Variants in NRG3 observed in about 807,000 individuals in gnomAD.
NRG3 encodes the protein neuregulin 3.
In NRG3, 31 loss-of-function variants were observed where a neutral mutation model predicts 66.9. The observed-to-expected ratio is 0.46, with a 90% CI of 0.35 to 0.63. The LOEUF (loss-of-function observed/expected upper bound fraction) is 0.63. NRG3 is among the 20% of genes least tolerant of loss of function. NRG3 has a pLI of 0.00. For missense variants in NRG3, 910 were observed against 878.9 expected (o/e 1.04, Z -0.45); for synonymous variants, 393 against 359.4 (o/e 1.09, Z -1.06).
chr10:82,247,509 C>G (rs2077296524), intron 1 of NRG3, among the ~76,000 whole-genome samples: 1 of 152,084 alleles, frequency 6.6e-6, no homozygotes, highest in South Asian at 2.1e-4. Flanking sequence ...TTATGCCATC[C>G]TTTTGGGGGT....
intron 2 of NRG3, among the ~76,000 whole-genome samples, chr10:82,625,517 G>A (rs867379823): frequency 6.6e-6 from 1 of 152,144 alleles, no homozygotes; most frequent in Non-Finnish European, 1.5e-5. Context: ...TGAGAATCAG[G>A]TATGAAGCAA....
At chr10:82,805,583 T>A (rs342367) in intron 3 of NRG3, among the ~76,000 whole-genome samples, 97,470 of 151,870 alleles carry the variant, frequency 0.64, 31,759 homozygotes, top group African/African-American at 0.74. Flanking sequence ...TTGCCAGATC[T>A]TGAGGCCCTG....
At chr10:82,072,302 C>A (rs1473468648) in intron 1 of NRG3, among the ~76,000 whole-genome samples, 1 of 152,180 alleles carries the variant, frequency 6.6e-6, no homozygotes, top group East Asian at 1.9e-4. Context: ...CCGGAAGAAG[C>A]GTGTTGCCTT....
intron 1 of NRG3, among the ~76,000 whole-genome samples, chr10:82,255,580 C>CT (rs201030016): frequency 2.6e-4 from 39 of 149,458 alleles, no homozygotes; most frequent in East Asian, 7.8e-4. Flanking sequence ...TTCTGTAAAT[C>CT]TTTTTTTTTT....
intron 2 of NRG3, among the ~76,000 whole-genome samples, chr10:82,425,154 A>G (rs1272957392): frequency 6.6e-6 from 1 of 152,092 alleles, no homozygotes; most frequent in African/African-American, 2.4e-5. Flanking sequence ...CGAACTTAGG[A>G]TTAACTTTTC....
intron 1 of NRG3, among the ~76,000 whole-genome samples, chr10:82,077,810 A>C (rs2065171175): frequency 1.3e-5 from 2 of 152,230 alleles, no homozygotes; most frequent in Admixed American, 1.3e-4. Flanking sequence ...ATTTAGAATG[A>C]AATTATATCA....
intron 1 of NRG3, among the ~76,000 whole-genome samples, chr10:82,122,804 C>G (rs991721237): frequency 2.6e-5 from 4 of 152,206 alleles, no homozygotes; most frequent in East Asian, 1.9e-4. Flanking sequence ...TCTTTCAACT[C>G]TCTTATTAAT....
chr10:82,539,106 A>G (rs948050450), intron 2 of NRG3, among the ~76,000 whole-genome samples: 1 of 152,234 alleles, frequency 6.6e-6, no homozygotes, highest in Non-Finnish European at 1.5e-5. Context: ...AATTGAAACT[A>G]TAGTGATACA....
intron 2 of NRG3, among the ~76,000 whole-genome samples, chr10:82,549,773 C>T (rs1031473912): frequency 1.1e-4 from 17 of 152,126 alleles, no homozygotes; most frequent in Non-Finnish European, 1.6e-4. Flanking sequence ...ATATTTATAA[C>T]ATCAGTGGAG....
intron 1 of NRG3, among the ~76,000 whole-genome samples, chr10:82,241,602 G>A (rs1435904741): frequency 2.6e-5 from 4 of 152,136 alleles, no homozygotes; most frequent in African/African-American, 7.2e-5. Context: ...GGCAAAAGGT[G>A]TAAGTCCGTA....
At chr10:82,869,846 G>A (rs1233916346) in intron 4 of NRG3, among the ~76,000 whole-genome samples, 1 of 151,866 alleles carries the variant, frequency 6.6e-6, no homozygotes, top group Non-Finnish European at 1.5e-5. Flanking sequence ...CTGACCTTGT[G>A]ATCTGCCCGC....
At chr10:81,908,977 A>G (rs1564648835) in intron 1 of NRG3, among the ~76,000 whole-genome samples, 2 of 152,158 alleles carry the variant, frequency 1.3e-5, no homozygotes, top group African/African-American at 4.8e-5. Context: ...ACAATAAAGT[A>G]GCACAAACCA....
intron 2 of NRG3, among the ~76,000 whole-genome samples, chr10:82,553,284 T>C (rs913144031): frequency 6.6e-6 from 1 of 152,038 alleles, no homozygotes; most frequent in African/African-American, 2.4e-5. Context: ...ATTTTTTTTT[T>C]CTAAAGACAA....
intron 2 of NRG3, among the ~76,000 whole-genome samples, chr10:82,383,990 A>G (rs1366362668): frequency 3.9e-5 from 6 of 152,016 alleles, no homozygotes; most frequent in Non-Finnish European, 8.8e-5. Flanking sequence ...TATTTTAAAA[A>G]CAATTTTACT....
intron 1 of NRG3, among the ~76,000 whole-genome samples, chr10:82,201,554 T>C (rs1169435814): frequency 1.3e-5 from 2 of 152,156 alleles, no homozygotes; most frequent in Non-Finnish European, 2.9e-5. Flanking sequence ...GTGACCATTT[T>C]GGTGAGAGGC....
rs182957543 is a variant in NRG3 at position 82,063,966 on chromosome 10, A to C, written c.823+187803A>C. Reference sequence around the variant, plus strand: ...GGTTTACTGCCCTGATGAATGACTGATCTGTATTTCTGAAAGGAATCTTCT... The same window carrying C: ...GGTTTACTGCCCTGATGAATGACTGCTCTGTATTTCTGAAAGGAATCTTCT... On this transcript the variant is annotated intron_variant, in intron 1 of 8. Coordinates refer to ENST00000372141, the MANE Select transcript of NRG3 (RefSeq NM_001010848.4). 1.7e-3 allele frequency among the ~76,000 whole-genome samples: 259 copies of C among 152,286 alleles called. No homozygotes were observed. In the Middle Eastern group the frequency reaches 0.024, roughly 14 times the overall value.
At chr10:82,828,853 T>G (rs1239657082) in intron 3 of NRG3, among the ~76,000 whole-genome samples, 1 of 152,166 alleles carries the variant, frequency 6.6e-6, no homozygotes, top group African/African-American at 2.4e-5. Flanking sequence ...CCTTAGATGA[T>G]AGTCCTGAAG....
intron 2 of NRG3, among the ~76,000 whole-genome samples, chr10:82,461,567 T>A (rs2091516928): frequency 6.6e-6 from 1 of 152,256 alleles, no homozygotes; most frequent in Non-Finnish European, 1.5e-5. Context: ...ATTTATCCAT[T>A]TGAAATTGCT....
At chr10:81,899,458 A>G (rs1157379271) in intron 1 of NRG3, among the ~76,000 whole-genome samples, 1 of 152,212 alleles carries the variant, frequency 6.6e-6, no homozygotes, top group East Asian at 1.9e-4. Flanking sequence ...ATTGGGTGAA[A>G]CATCCATCAT....
Sources: gnomAD v4.1 joint callset for allele counts (sites outside exome capture counted in the v4.1 genomes callset) on GRCh38, gnomAD v4.1.1 for gene constraint, MANE v1.5 for transcripts, NCBI Gene and HGNC (gene_info 2026-07-23, HGNC 2026-07-21) for gene names.